Variants in SLC4A5 observed in about 807,000 individuals in gnomAD.
SLC4A5 encodes the protein electrogenic sodium bicarbonate cotransporter 4.
In SLC4A5, 96 loss-of-function variants were observed where a neutral mutation model predicts 120.4. That is an observed-to-expected ratio of 0.80 (90% CI 0.68 to 0.94). The LOEUF is 0.94. Among genes scored for constraint, SLC4A5 ranks in the 40% least tolerant of loss-of-function variants. The pLI is 0.00. For synonymous variants in SLC4A5, 550 were observed against 571.1 expected, an observed-to-expected ratio of 0.96 and a Z score of 0.53; for missense variants, 1,259 against 1,459.5, an observed-to-expected ratio of 0.86 and a Z score of 2.24.
exon 10 of SLC4A5, chr2:74,264,238 G>C (rs1454732832): frequency 1.2e-6 from 2 of 1,614,240 alleles, no homozygotes; most frequent in South Asian, 2.2e-5. Context: ...GGACGTAACT[G>C]ACCCTCTCCC....
intron 8 of SLC4A5, among the ~76,000 whole-genome samples, chr2:74,279,833 CCTGA>C (rs1165222157): frequency 1.3e-5 from 2 of 152,188 alleles, no homozygotes; most frequent in African/African-American, 4.8e-5. Flanking sequence ...TGGGTGTCTC[CCTGA>C]CTATCTGTCC....
intron 17 of SLC4A5, 78 bp from the exon 18 acceptor site, chr2:74,248,564 T>TCTCCACACAGGCTGCAGCC: frequency 5.9e-6 from 9 of 1,538,440 alleles, no homozygotes; most frequent in Non-Finnish European, 8.0e-6. Flanking sequence ...CCCAGCGATC[T>TCTCCACACAGGCTGCAGCC]CTCCACGGGC....
intron 10 of SLC4A5, among the ~76,000 whole-genome samples, 171 bp downstream of exon 10, chr2:74,263,976 C>T (rs573003242): frequency 2.0e-5 from 3 of 152,356 alleles, no homozygotes; most frequent in South Asian, 2.1e-4. Context: ...GGGAACAACA[C>T]GGGAGTGTGG....
chr2:74,273,333 T>C (rs550267678), intron 8 of SLC4A5, among the ~76,000 whole-genome samples: 1 of 152,360 alleles, frequency 6.6e-6, no homozygotes, highest in African/African-American at 2.4e-5. Flanking sequence ...ATTTAAAAAA[T>C]GTAATCTCCC....
At chr2:74,269,897 T>C (rs530732897) in intron 8 of SLC4A5, among the ~76,000 whole-genome samples, 2 of 152,320 alleles carry the variant, frequency 1.3e-5, no homozygotes, top group East Asian at 3.9e-4. Flanking sequence ...TGAAACATCC[T>C]CTACTAACTC....
At chr2:74,221,276 G>T (rs914578721) in intron 30 of SLC4A5, among the ~76,000 whole-genome samples, 158 bp downstream of exon 30, 1 of 152,244 alleles carries the variant, frequency 6.6e-6, no homozygotes, top group Non-Finnish European at 1.5e-5. Context: ...GGCCCTGAAT[G>T]ATGAGTCAGG....
chr2:74,228,116 C>G (rs1694914489), intron 25 of SLC4A5, among the ~76,000 whole-genome samples: 1 of 152,156 alleles, frequency 6.6e-6, no homozygotes, highest in African/African-American at 2.4e-5. Flanking sequence ...CTGGCCTGGC[C>G]CCTCACTGCA....
chr2:74,252,296 C>T, exon 16 of SLC4A5: 3 of 1,612,712 alleles, frequency 1.9e-6, no homozygotes, highest in Non-Finnish European at 2.5e-6. Flanking sequence ...GCCACCACCA[C>T]CACCACCTCC....
intron 21 of SLC4A5, among the ~76,000 whole-genome samples, chr2:74,235,514 T>G (rs2034454): frequency 0.6 from 91,452 of 152,054 alleles, 30,152 homozygotes; most frequent in African/African-American, 0.88. Context: ...CAATGTGGGA[T>G]CTGTTATGAT....
At chr2:74,314,287 G>A (rs995362617) in intron 6 of SLC4A5, among the ~76,000 whole-genome samples, 4 of 152,016 alleles carry the variant, frequency 2.6e-5, no homozygotes, top group Non-Finnish European at 4.4e-5. Context: ...CTCCTCTCAC[G>A]GTAAGTATCT....
chr2:74,256,718 C>T (rs1670975639), intron 12 of SLC4A5, among the ~76,000 whole-genome samples: 1 of 152,184 alleles, frequency 6.6e-6, no homozygotes, highest in South Asian at 2.1e-4. Flanking sequence ...GAAGATACCC[C>T]AGGGATGGTT....
chr2:74,227,096 G>C (rs1337152385), exon 27 of SLC4A5: 1 of 1,613,762 alleles, frequency 6.2e-7, no homozygotes, highest in East Asian at 2.2e-5. Flanking sequence ...CTGGTGCTTG[G>C]CTGGCATCAG....
intron 5 of SLC4A5, among the ~76,000 whole-genome samples, chr2:74,324,242 A>G (rs1673164447): frequency 2.0e-5 from 3 of 152,206 alleles, no homozygotes; most frequent in Admixed American, 1.3e-4. Flanking sequence ...AGCGTGCATC[A>G]TAATACCTAG....
chr2:74,232,582 C>T (rs1670126472), exon 24 of SLC4A5: 1 of 1,613,936 alleles, frequency 6.2e-7, no homozygotes, highest in Non-Finnish European at 8.5e-7. Flanking sequence ...AGGGGAGCCC[C>T]ATAAAGGAGC....
At chr2:74,300,826 G>T (rs1359948273) in intron 7 of SLC4A5, among the ~76,000 whole-genome samples, 5 of 152,342 alleles carry the variant, frequency 3.3e-5, no homozygotes, top group Non-Finnish European at 7.3e-5. Context: ...CATGGAGCCA[G>T]TACAAGAAGG....
intron 8 of SLC4A5, among the ~76,000 whole-genome samples, chr2:74,282,626 T>C (rs1286771454): frequency 6.6e-6 from 1 of 152,196 alleles, no homozygotes; most frequent in Non-Finnish European, 1.5e-5. Context: ...GGGTCTGGAG[T>C]GCAGAGGGCT....
At chr2:74,303,152 A>G (rs748437627) in intron 7 of SLC4A5, among the ~76,000 whole-genome samples, 2 of 151,704 alleles carry the variant, frequency 1.3e-5, no homozygotes, top group Non-Finnish European at 2.9e-5. Flanking sequence ...TTTTAACTAT[A>G]GCCCATCTCT....
At chr2:74,227,044 G>A (rs763719090) in exon 27 of SLC4A5, 1 of 1,614,180 alleles carries the variant, frequency 6.2e-7, no homozygotes, top group Non-Finnish European at 8.5e-7. Context: ...TGAAGAGGTG[G>A]ATCCGGCGCA....
intron 6 of SLC4A5, chr2:74,307,104 G>T: frequency 1.8e-6 from 1 of 557,350 alleles, no homozygotes; most frequent in Non-Finnish European, 3.4e-6. Flanking sequence ...AATCTCCAAG[G>T]ACTGGACTGT....
Sources: allele counts gnomAD v4.1 joint callset (sites outside exome capture counted in the v4.1 genomes callset), GRCh38; gene constraint gnomAD v4.1.1; transcripts MANE v1.5; gene names NCBI Gene and HGNC (gene_info 2026-07-23, HGNC 2026-07-21).